Variants in L3MBTL4 observed in about 807,000 individuals in gnomAD.
L3MBTL4 encodes lethal(3)malignant brain tumor-like protein 4.
L3MBTL4 carries 70 observed loss-of-function variants against 84.5 expected under a neutral mutation model. The observed-to-expected ratio is 0.83, with a 90% CI of 0.68 to 1.01. The LOEUF (loss-of-function observed/expected upper bound fraction) is 1.01, where lower values mean the gene tolerates loss of function less well. Among genes scored for constraint, L3MBTL4 ranks in the 50% least tolerant of loss-of-function variants. The pLI is 0.00. For missense variants in L3MBTL4, 715 were observed against 754.8 expected (o/e 0.95, Z 0.62); for synonymous variants, 274 against 259.8 (o/e 1.05, Z -0.52).
At chr18:6,345,545 C>A (rs76791979) in intron 1 of L3MBTL4, among the ~76,000 whole-genome samples, 1,732 of 144,448 alleles carry the variant, frequency 0.012, 12 homozygotes, top group Non-Finnish European at 0.016. Flanking sequence ...ACAAACTATC[C>A]AATAGAATTT....
At chr18:6,329,061 T>A (rs1304023829) in intron 1 of L3MBTL4, among the ~76,000 whole-genome samples, 9 of 152,068 alleles carry the variant, frequency 5.9e-5, no homozygotes, top group Non-Finnish European at 1.3e-4. Context: ...GTACCCTTGG[T>A]CACTACTTCA....
intron 1 of L3MBTL4, among the ~76,000 whole-genome samples, chr18:6,412,521 CTACG>C (rs2056011057): frequency 6.6e-6 from 1 of 152,048 alleles, no homozygotes; most frequent in African/African-American, 2.4e-5. Flanking sequence ...CTGGTGCTTC[CTACG>C]CAGCCTCCTG....
At chr18:6,156,600 C>T (rs1248710325) in intron 13 of L3MBTL4, among the ~76,000 whole-genome samples, 1 of 152,190 alleles carries the variant, frequency 6.6e-6, no homozygotes, top group Non-Finnish European at 1.5e-5. Context: ...TGAAAAGTCT[C>T]TGCGTGAACT....
intron 14 of L3MBTL4, among the ~76,000 whole-genome samples, chr18:6,103,206 T>C (rs2058892280): frequency 6.6e-6 from 1 of 152,232 alleles, no homozygotes; most frequent in Non-Finnish European, 1.5e-5. Context: ...CATTAAGCAC[T>C]AAATTAAACA....
intron 1 of L3MBTL4, among the ~76,000 whole-genome samples, chr18:6,383,830 G>T (rs1194050421): frequency 6.6e-6 from 1 of 152,162 alleles, no homozygotes; most frequent in Admixed American, 6.5e-5. Context: ...TGTACAATCT[G>T]CATGAATGTT....
chr18:6,401,350 T>G (rs187880112), intron 1 of L3MBTL4, among the ~76,000 whole-genome samples: 5 of 152,152 alleles, frequency 3.3e-5, no homozygotes, highest in Admixed American at 1.3e-4. Context: ...GACTCTGAAT[T>G]TTGACTAGAT....
At chr18:6,323,705 T>A (rs766471624) in intron 1 of L3MBTL4, among the ~76,000 whole-genome samples, 1 of 152,208 alleles carries the variant, frequency 6.6e-6, no homozygotes, top group Non-Finnish European at 1.5e-5. Context: ...AGCAAAGATA[T>A]GACCTGAAAT....
chr18:6,329,443 G>A (rs1320864933), intron 1 of L3MBTL4, among the ~76,000 whole-genome samples: 3 of 151,984 alleles, frequency 2.0e-5, no homozygotes, highest in South Asian at 2.1e-4. Flanking sequence ...CTGAGCCACC[G>A]CACCCAGCCT....
At chr18:6,095,908 T>G (rs1297409231) in intron 14 of L3MBTL4, among the ~76,000 whole-genome samples, 1 of 152,132 alleles carries the variant, frequency 6.6e-6, no homozygotes, top group African/African-American at 2.4e-5. Flanking sequence ...GAACTTTCTG[T>G]AGGCAAAAGT....
chr18:6,124,856 T>C (rs188726167), intron 14 of L3MBTL4, among the ~76,000 whole-genome samples: 45 of 152,234 alleles, frequency 3.0e-4, no homozygotes, highest in Admixed American at 6.5e-4. Flanking sequence ...GTGTTCCTTT[T>C]TTTCTTTCCA....
intron 16 of L3MBTL4, among the ~76,000 whole-genome samples, chr18:6,033,676 T>C (rs961587713): frequency 1.3e-5 from 2 of 152,188 alleles, no homozygotes; most frequent in Non-Finnish European, 2.9e-5. Context: ...TGTAATGAAA[T>C]GTTGCAAAAA....
chr18:6,370,578 C>T (rs530145528), intron 1 of L3MBTL4, among the ~76,000 whole-genome samples: 1 of 152,320 alleles, frequency 6.6e-6, no homozygotes, highest in Admixed American at 6.5e-5. Context: ...GGTCCCCCCT[C>T]CCACCCAGGG....
intron 14 of L3MBTL4, among the ~76,000 whole-genome samples, chr18:6,094,153 C>A (rs900595384): frequency 5.3e-5 from 8 of 152,166 alleles, no homozygotes; most frequent in African/African-American, 1.9e-4. Context: ...GTTATCAGAA[C>A]CCAATAGCAG....
At chr18:6,135,020 ATCT>A (rs1334389280) in intron 14 of L3MBTL4, among the ~76,000 whole-genome samples, 5 of 152,094 alleles carry the variant, frequency 3.3e-5, no homozygotes. Flanking sequence ...ATTTCCATAC[ATCT>A]TCTTAAATCT....
intron 4 of L3MBTL4, among the ~76,000 whole-genome samples, chr18:6,300,325 C>T (rs1250042319): frequency 6.6e-6 from 1 of 152,138 alleles, no homozygotes; most frequent in Admixed American, 6.5e-5. Flanking sequence ...TTTTCCTAAA[C>T]ATTTGTTATG....
intron 1 of L3MBTL4, among the ~76,000 whole-genome samples, chr18:6,386,036 GT>G (rs989965875): frequency 1.3e-5 from 2 of 152,194 alleles, no homozygotes; most frequent in African/African-American, 4.8e-5. Context: ...AAAGAAAGGT[GT>G]TTTCCATCCA....
intron 16 of L3MBTL4, among the ~76,000 whole-genome samples, chr18:5,975,291 T>A (rs2052859325): frequency 6.6e-6 from 1 of 152,188 alleles, no homozygotes; most frequent in Non-Finnish European, 1.5e-5. Flanking sequence ...AGTAACCTTC[T>A]CTTCAATGAA....
At chr18:6,374,505 G>A (rs114293388) in intron 1 of L3MBTL4, 1,850 of 154,854 alleles carry the variant, frequency 0.012, 43 homozygotes, top group African/African-American at 0.041. Flanking sequence ...CAGGAAGTGA[G>A]TGTCAACAAA....
At chr18:6,141,599 G>A (rs986778019) in intron 13 of L3MBTL4, among the ~76,000 whole-genome samples, 11 of 152,024 alleles carry the variant, frequency 7.2e-5, no homozygotes, top group East Asian at 5.8e-4. Context: ...ATCATTTCTC[G>A]CTGGATCCTT....
Sources: allele counts gnomAD v4.1 joint callset (sites outside exome capture counted in the v4.1 genomes callset), GRCh38; gene constraint gnomAD v4.1.1; transcripts MANE v1.5; gene names NCBI Gene and HGNC (gene_info 2026-07-23, HGNC 2026-07-21).